Variants in DOCK10 observed in about 807,000 individuals in gnomAD.
DOCK10 encodes dedicator of cytokinesis protein 10.
DOCK10 carries 145 observed loss-of-function variants against 280.1 expected under a neutral mutation model. The ratio of observed to expected loss-of-function variants is 0.52; its 90% CI spans 0.45 to 0.59. The LOEUF (loss-of-function observed/expected upper bound fraction) is 0.59. Among genes scored for constraint, DOCK10 ranks in the 20% least tolerant of loss-of-function variants. DOCK10 has a pLI of 0.00. For missense variants in DOCK10, 2,368 were observed against 2,651.7 expected (o/e 0.89, Z 2.35); for synonymous variants, 915 against 942.2 (o/e 0.97, Z 0.53).
intron 47 of DOCK10, among the ~76,000 whole-genome samples, chr2:224,792,053 G>A (rs1296140640): frequency 1.3e-5 from 2 of 152,100 alleles, no homozygotes; most frequent in East Asian, 1.9e-4. Flanking sequence ...GCAATTGAAT[G>A]TAGATTTAAT....
intron 1 of DOCK10, chr2:224,983,677 C>G (rs772166648): frequency 2.5e-5 from 11 of 444,510 alleles, no homozygotes; most frequent in Non-Finnish European, 4.7e-5. Flanking sequence ...GCTCAGTAAT[C>G]TGTCACAACA....
chr2:225,042,332 T>C lies in DOCK10; in HGVS notation c.43A>G (p.Arg15Gly). ...CGGAGCTCGGCCGCCTGCCCAGGTC[T>C]CAACAGGCTCCGGGTGAACCTGCGG... ...RTRRFTRSLL[R>G]PGQAAELRHS... is the part of the protein sequence containing the mutation. The change falls in exon 1 of 56, where the codon AGA (arginine) becomes GGA (glycine). Residue 15 changes from arginine to glycine, a missense_variant. Physicochemically the swap from Arg to Gly is moderately radical, Grantham distance 125 (BLOSUM62 -2). This residue lies in a region of DOCK10 where 1,209 missense variants were observed against 1,250.9 expected (regional missense o/e 0.97). Transcript: ENST00000258390. This position sits in a 1 kb window ranked among gnomAD's most constrained non-coding sequence, Gnocchi z 5.1. The C allele has an allele frequency of 7.5e-7, 1 of 1,342,128 alleles. No individual in the cohort carries two copies. Among genetic ancestry groups the C allele is most frequent in the African/African-American group, 1.5e-5 (1 of 65,828 alleles). The allele number at this position is 1,342,128 out of a possible 1,614,324, so 83.1% of individuals were successfully genotyped here. A position where few individuals can be genotyped will look rare whatever the true frequency, so the allele number is the denominator to read the frequency against.
chr2:224,847,748 G>T (rs950506993), intron 19 of DOCK10, among the ~76,000 whole-genome samples: 3 of 152,116 alleles, frequency 2.0e-5, no homozygotes, highest in Non-Finnish European at 4.4e-5. Context: ...AACGCATATG[G>T]AAGAGTGAAA....
At chr2:224,911,993 A>T (rs1701041280) in intron 3 of DOCK10, among the ~76,000 whole-genome samples, 1 of 152,184 alleles carries the variant, frequency 6.6e-6, no homozygotes, top group Admixed American at 6.5e-5. Context: ...TCAGCAAACT[A>T]AAACAATAAT....
intron 1 of DOCK10, among the ~76,000 whole-genome samples, chr2:225,005,267 T>C (rs1466859437): frequency 1.3e-5 from 2 of 152,340 alleles, no homozygotes; most frequent in African/African-American, 2.4e-5. Context: ...ACATGGATAA[T>C]GGCAAACAAC....
chr2:224,944,222 C>G (rs1484143986), intron 1 of DOCK10, among the ~76,000 whole-genome samples: 1 of 152,174 alleles, frequency 6.6e-6, no homozygotes, highest in Non-Finnish European at 1.5e-5. Flanking sequence ...ACCCCAAGCA[C>G]TCAGCTTAAT....
At chr2:224,847,229 T>C (rs1696422282) in intron 19 of DOCK10, among the ~76,000 whole-genome samples, 1 of 152,216 alleles carries the variant, frequency 6.6e-6, no homozygotes, top group Non-Finnish European at 1.5e-5. Flanking sequence ...TTCAAAGCCC[T>C]GCCACGTACA....
chr2:224,819,325 C>A, intron 29 of DOCK10, 121 bp downstream of exon 29: 1 of 576,982 alleles, frequency 1.7e-6, no homozygotes, highest in East Asian at 3.1e-5. Flanking sequence ...GCTGCCTCTC[C>A]TTGGCATAGA....
At chr2:225,027,135 G>A (rs925822659) in intron 1 of DOCK10, among the ~76,000 whole-genome samples, 6 of 152,138 alleles carry the variant, frequency 3.9e-5, no homozygotes, top group African/African-American at 1.4e-4. Flanking sequence ...TCTGAGATCC[G>A]TCATGGATGA....
chr2:224,864,689 A>C lies in DOCK10; in HGVS notation c.1480-14T>G, dbSNP rs752237190. The C allele has an allele frequency of 1.2e-6, 2 of 1,601,464 alleles. No homozygotes were observed. The highest frequency in any genetic ancestry group is 2.3e-5 in the South Asian group (2 of 88,106). On this transcript the variant is annotated splice_polypyrimidine_tract_variant and intron_variant, in intron 12 of 55. Coordinates refer to ENST00000258390, the MANE Select transcript of DOCK10 (RefSeq NM_014689.3). The stretch of plus-strand genomic sequence containing the variant: ...AGAAAATACAGCCTGTGTACAAAGA[A>C]AGCAGCTAATAAGCATGGAAGAAAC...
intron 2 of DOCK10, among the ~76,000 whole-genome samples, chr2:224,926,334 G>A (rs796107450): frequency 3.3e-5 from 5 of 152,352 alleles, no homozygotes; most frequent in African/African-American, 1.2e-4. Flanking sequence ...GGTACTTGAA[G>A]TACAGATATG....
intron 1 of DOCK10, among the ~76,000 whole-genome samples, chr2:224,997,807 G>A (rs1313350346): frequency 1.3e-5 from 2 of 152,126 alleles, no homozygotes; most frequent in Non-Finnish European, 2.9e-5. Context: ...AAAGAGAGCC[G>A]CTACCAAACA....
intron 50 of DOCK10, among the ~76,000 whole-genome samples, chr2:224,783,796 T>A (rs1216045168): frequency 6.6e-6 from 1 of 151,884 alleles, no homozygotes; most frequent in African/African-American, 2.4e-5. Flanking sequence ...ATCCCAAATT[T>A]ATAAATGAAC....
At chr2:224,874,476 A>G in intron 9 of DOCK10, 127 bp from the exon 10 acceptor site, 1 of 919,644 alleles carries the variant, frequency 1.1e-6, no homozygotes. Context: ...AACACTTGGC[A>G]AATCTTGTAA....
rs1364211518 is a variant in DOCK10 at position 224,845,341 on chromosome 2, C to A, written c.2360-17G>T. ...CATATCCAACTGTGCAAAAGAATAA[C>A]CAACAAAAATTCTGAGTACAAACCT... On this transcript the variant is annotated splice_polypyrimidine_tract_variant and intron_variant, in intron 20 of 55. Coordinates refer to ENST00000258390, the MANE Select transcript of DOCK10 (RefSeq NM_014689.3). 1.3e-6 allele frequency: 2 copies of A among 1,583,088 alleles called. No individual in the cohort carries two copies. Among genetic ancestry groups the A allele is most frequent in the Non-Finnish European group, 1.7e-6 (2 of 1,163,954 alleles).
chr2:224,980,277 T>C (rs1705676447), intron 1 of DOCK10, among the ~76,000 whole-genome samples: 1 of 152,198 alleles, frequency 6.6e-6, no homozygotes, highest in African/African-American at 2.4e-5. Context: ...AGCTCAAGGA[T>C]TTGCATGAAT....
intron 3 of DOCK10, among the ~76,000 whole-genome samples, chr2:224,904,649 T>C (rs936932673): frequency 1.3e-4 from 20 of 152,180 alleles, no homozygotes; most frequent in Non-Finnish European, 2.5e-4. Context: ...TATTTATACA[T>C]GCAACCCACT....
rs1371388418 is a variant in DOCK10 at position 224,921,108 on chromosome 2, AAAAAAT to A, written c.244-4330_244-4325del. 3.2e-4 allele frequency among the ~76,000 whole-genome samples: 23 copies of A among 71,074 alleles called. 2 individuals are homozygous for A. Among genetic ancestry groups the A allele is most frequent in the African/African-American group, 1.6e-3 (16 of 9,748 alleles). The allele number at this position is 71,074 out of a possible 152,430, so 46.6% of individuals were successfully genotyped here. ...CGTCTCTATTAAAAAAAAAAAAAAAAAAAAATATATATATATATATATATATAATGT... is the reference window on the plus strand; with the variant it reads ...CGTCTCTATTAAAAAAAAAAAAAAAAATATATATATATATATATATAATGT... On this transcript the variant is annotated intron_variant, in intron 2 of 55. Transcript: ENST00000258390.
At chr2:224,960,791 G>C (rs1232079222) in intron 1 of DOCK10, among the ~76,000 whole-genome samples, 1 of 137,314 alleles carries the variant, frequency 7.3e-6, no homozygotes. Context: ...CCAGGCTGGA[G>C]TGCAGTGGCG....
Sources: allele counts gnomAD v4.1 joint callset (sites outside exome capture counted in the v4.1 genomes callset), GRCh38; gene constraint gnomAD v4.1.1; regional missense constraint gnomAD v4.1.1; non-coding constraint Gnocchi (gnomAD v3.1); transcripts MANE v1.5; gene names NCBI Gene and HGNC (gene_info 2026-07-23, HGNC 2026-07-21).